CDKAL1: variants seen among roughly 807,000 people sequenced by gnomAD.
CDKAL1 encodes threonylcarbamoyladenosine tRNA methylthiotransferase.
A neutral mutation model predicts 68.2 loss-of-function variants in CDKAL1; 32 were observed. That is an observed-to-expected ratio of 0.47 (90% CI 0.35 to 0.63). The LOEUF (loss-of-function observed/expected upper bound fraction) is 0.63, where lower values mean the gene tolerates loss of function less well. Ranked by LOEUF, CDKAL1 falls within the 30% of genes least tolerant of loss-of-function variation. The probability of loss-of-function intolerance (pLI) is 0.00; values close to 1 mark genes in which losing one functional copy is unlikely to be tolerated. For synonymous variants in CDKAL1, 234 were observed against 244.3 expected (o/e 0.96, Z 0.39); for missense variants, 606 against 696.7 (o/e 0.87, Z 1.47).
intron 4 of CDKAL1, among the ~76,000 whole-genome samples, chr6:20,645,763 T>TAA (rs1768420608): frequency 1.6e-5 from 2 of 124,556 alleles, no homozygotes; most frequent in African/African-American, 5.3e-5. Context: ...TAAAAATAAA[T>TAA]AAATAATTTT....
chr6:20,622,506 A>C (rs1475768092), intron 4 of CDKAL1, among the ~76,000 whole-genome samples: 1 of 152,038 alleles, frequency 6.6e-6, no homozygotes. Context: ...TTGATACTGA[A>C]ATGTTTTTAG....
intron 7 of CDKAL1, among the ~76,000 whole-genome samples, chr6:20,780,664 CTTTTTCTTTTTTTTTT>C (rs1775380052): frequency 1.4e-5 from 2 of 138,236 alleles, no homozygotes; most frequent in Non-Finnish European, 3.1e-5. Flanking sequence ...TTTTTCATTT[CTTTTTCTTTTTTTTTT>C]TTTTTTTTTT....
At chr6:21,151,426 C>A (rs1347267145) in intron 13 of CDKAL1, among the ~76,000 whole-genome samples, 5 of 152,198 alleles carry the variant, frequency 3.3e-5, no homozygotes, top group African/African-American at 1.2e-4. Context: ...TCTATTCTGT[C>A]TACCTAAGAA....
At chr6:21,071,813 C>T (rs527292440) in intron 12 of CDKAL1, among the ~76,000 whole-genome samples, 2 of 152,226 alleles carry the variant, frequency 1.3e-5, no homozygotes, top group African/African-American at 4.8e-5. Context: ...GACTGTTTTT[C>T]ACTCTTTCTG....
intron 11 of CDKAL1, among the ~76,000 whole-genome samples, chr6:21,021,174 C>A (rs995600089): frequency 6.6e-6 from 1 of 152,168 alleles, no homozygotes; most frequent in African/African-American, 2.4e-5. Flanking sequence ...TAAATCCTAT[C>A]TTTGTGGTAT....
At chr6:21,102,676 C>G (rs1241818819) in intron 12 of CDKAL1, among the ~76,000 whole-genome samples, 1 of 152,140 alleles carries the variant, frequency 6.6e-6, no homozygotes, top group Admixed American at 6.5e-5. Flanking sequence ...TAAACCAGTC[C>G]TGGAGCCCTA....
At chr6:20,669,102 C>A (rs1208324852) in intron 5 of CDKAL1, among the ~76,000 whole-genome samples, 2 of 152,104 alleles carry the variant, frequency 1.3e-5, no homozygotes, top group African/African-American at 4.8e-5. Flanking sequence ...TCAGTTTTCT[C>A]CACTGTAAAG....
chr6:20,579,694 C>A (rs558718268), intron 4 of CDKAL1, among the ~76,000 whole-genome samples: 13 of 152,282 alleles, frequency 8.5e-5, no homozygotes, highest in Admixed American at 6.5e-4. Flanking sequence ...GATTTCAGAG[C>A]CCGTGCTCTT....
chr6:20,681,284 T>A (rs1180295478), intron 5 of CDKAL1, among the ~76,000 whole-genome samples: 1 of 152,200 alleles, frequency 6.6e-6, no homozygotes, highest in African/African-American at 2.4e-5. Context: ...GCAGCAACAG[T>A]CATATGTATG....
intron 9 of CDKAL1, among the ~76,000 whole-genome samples, chr6:20,880,547 G>A (rs746347097): frequency 5.9e-5 from 9 of 152,052 alleles, no homozygotes; most frequent in East Asian, 1.9e-4. Context: ...GAGCCACCGC[G>A]CCTGGCCAAG....
intron 13 of CDKAL1, among the ~76,000 whole-genome samples, chr6:21,151,467 C>A (rs574107509): frequency 6.6e-6 from 1 of 152,162 alleles, no homozygotes; most frequent in African/African-American, 2.4e-5. Flanking sequence ...AGCCCTGTGA[C>A]CTGTTTTGTT....
intron 13 of CDKAL1, among the ~76,000 whole-genome samples, chr6:21,114,483 A>G (rs1334046474): frequency 6.6e-6 from 1 of 152,206 alleles, no homozygotes; most frequent in Non-Finnish European, 1.5e-5. Context: ...CTGTAATCCC[A>G]GTAATTTGGG....
chr6:21,186,193 G>T (rs1012612780), intron 13 of CDKAL1, among the ~76,000 whole-genome samples: 1 of 152,154 alleles, frequency 6.6e-6, no homozygotes, highest in African/African-American at 2.4e-5. Context: ...CACCATTAGA[G>T]CTTGGCTCTC....
At chr6:21,000,112 A>G (rs2150817614) in intron 10 of CDKAL1, 115 bp from the exon 11 acceptor site, 1 of 695,562 alleles carries the variant, frequency 1.4e-6, no homozygotes, top group East Asian at 2.5e-5. Context: ...AGCCTTGATG[A>G]TTGGTCTGTT....
chr6:21,153,235 C>CTTTTTTTTTTTTT (rs1162272560), intron 13 of CDKAL1, among the ~76,000 whole-genome samples: 2 of 96,220 alleles, frequency 2.1e-5, no homozygotes, highest in Admixed American at 1.1e-4. Flanking sequence ...TATGTGATTT[C>CTTTTTTTTTTTTT]TTTTTTTTTT....
At chr6:20,934,424 C>G (rs1348798918) in intron 9 of CDKAL1, among the ~76,000 whole-genome samples, 1 of 152,098 alleles carries the variant, frequency 6.6e-6, no homozygotes, top group South Asian at 2.1e-4. Flanking sequence ...ACATGTAGAC[C>G]AATAATGAAT....
chr6:20,984,484 G>A (rs547344945), intron 10 of CDKAL1, among the ~76,000 whole-genome samples: 21 of 152,270 alleles, frequency 1.4e-4, no homozygotes, highest in African/African-American at 5.1e-4. Flanking sequence ...ATTCGTGGAC[G>A]GCTTAAGTGT....
chr6:21,112,895 G>T (rs1376046099), intron 13 of CDKAL1, among the ~76,000 whole-genome samples: 2 of 152,032 alleles, frequency 1.3e-5, no homozygotes, highest in African/African-American at 4.8e-5. Flanking sequence ...TACTTCTTCG[G>T]TCCCTCATCC....
chr6:20,913,940 A>G (rs1762597712), intron 9 of CDKAL1, among the ~76,000 whole-genome samples: 1 of 152,092 alleles, frequency 6.6e-6, no homozygotes, highest in African/African-American at 2.4e-5. Context: ...ACATTGAGCT[A>G]TGATTGTGCC....
Sources: allele counts gnomAD v4.1 joint callset (sites outside exome capture counted in the v4.1 genomes callset), GRCh38; gene constraint gnomAD v4.1.1; transcripts MANE v1.5; gene names NCBI Gene and HGNC (gene_info 2026-07-23, HGNC 2026-07-21).